The following TMED3 variants were observed in gnomAD, a reference collection of about 807,000 sequenced individuals.
The protein encoded by TMED3 is transmembrane p24 trafficking protein 3.
Under a neutral mutation model 15.0 loss-of-function variants are expected in TMED3, and 9 were observed. The ratio of observed to expected loss-of-function variants is 0.60; its 90% CI spans 0.36 to 1.04. The LOEUF (loss-of-function observed/expected upper bound fraction) is 1.04. Ranked by LOEUF, TMED3 falls within the 50% of genes least tolerant of loss-of-function variation. The pLI, the probability that TMED3 is intolerant of heterozygous loss-of-function variation, is 0.01. For synonymous variants in TMED3, 117 were observed against 121.4 expected (o/e 0.96, Z 0.24); for missense variants, 267 against 278.9 (o/e 0.96, Z 0.30).
chr15:79,385,574 C>G (rs1353697203), intron 2 of TMED3, among the ~76,000 whole-genome samples: 2 of 152,126 alleles, frequency 1.3e-5, no homozygotes, highest in African/African-American at 4.8e-5. Context: ...CTGGCTCCTG[C>G]CTGCTCCCTG....
chr15:79,368,082 C>T (rs6495402), intron 2 of TMED3, among the ~76,000 whole-genome samples: 17,201 of 152,078 alleles, frequency 0.11, 1,038 homozygotes, highest in Admixed American at 0.14. Flanking sequence ...AACTCAGGGA[C>T]GTATGTTAGG....
intron 2 of TMED3, among the ~76,000 whole-genome samples, chr15:79,365,013 A>G (rs1893203601): frequency 6.6e-6 from 1 of 152,232 alleles, no homozygotes; most frequent in South Asian, 2.1e-4. Flanking sequence ...CTAAAAGGGC[A>G]CACTGTAATG....
chr15:79,391,600 T>A (rs1210553187), intron 2 of TMED3, among the ~76,000 whole-genome samples: 1 of 152,210 alleles, frequency 6.6e-6, no homozygotes, highest in Non-Finnish European at 1.5e-5. Context: ...TGTTCAAGGG[T>A]ATAATTTAAA....
At chr15:79,336,895 C>T (rs552875081) in intron 2 of TMED3, among the ~76,000 whole-genome samples, 1 of 152,326 alleles carries the variant, frequency 6.6e-6, no homozygotes, top group African/African-American at 2.4e-5. Context: ...CATGTCACAA[C>T]TTCCAAGTGT....
In TMED3 at chr15:79,322,457, G is replaced by T; in HGVS notation, c.*243G>T. 7.5e-7 allele frequency: 1 copy of T among 1,339,496 alleles called. No homozygotes were observed. Among genetic ancestry groups the T allele is most frequent in the East Asian group, 3.0e-5 (1 of 33,642 alleles). 83.0% of individuals were successfully genotyped at this position (1,339,496 alleles called of 1,614,324 possible). Reference sequence around the variant, plus strand: ...GCGCTGAAAAGACATTTACAACTAGGCCAGGGATTAGCCACTGTGGGAGGG... The same window carrying T: ...GCGCTGAAAAGACATTTACAACTAGTCCAGGGATTAGCCACTGTGGGAGGG... On this transcript the variant is annotated 3_prime_UTR_variant, in exon 3 of 3. Coordinates refer to ENST00000299705, the MANE Select transcript of TMED3 (RefSeq NM_007364.4).
intron 2 of TMED3, among the ~76,000 whole-genome samples, chr15:79,398,140 C>T (rs1012599634): frequency 5.3e-5 from 8 of 152,132 alleles, no homozygotes; most frequent in African/African-American, 1.9e-4. Context: ...TCTACCTATT[C>T]ATCCCTCCTC....
chr15:79,339,885 G>A (rs2058844784), intron 2 of TMED3, among the ~76,000 whole-genome samples: 1 of 122,708 alleles, frequency 8.1e-6, no homozygotes, highest in Non-Finnish European at 1.8e-5. Flanking sequence ...AGTGGTGATG[G>A]TGGTGATGGT....
At chr15:79,378,029 A>C (rs1187323683) in intron 2 of TMED3, among the ~76,000 whole-genome samples, 1 of 152,210 alleles carries the variant, frequency 6.6e-6, no homozygotes, top group African/African-American at 2.4e-5. Context: ...CTTCCAATAC[A>C]TAATTTTAGC....
At chr15:79,338,992 C>T (rs965882678) in intron 2 of TMED3, among the ~76,000 whole-genome samples, 9 of 152,174 alleles carry the variant, frequency 5.9e-5, no homozygotes, top group South Asian at 2.1e-4. Flanking sequence ...CAGGCTCACC[C>T]GCAGTTATCC....
At chr15:79,361,111 C>T (rs765738791) in intron 2 of TMED3, among the ~76,000 whole-genome samples, 2 of 152,214 alleles carry the variant, frequency 1.3e-5, no homozygotes, top group Non-Finnish European at 2.9e-5. Flanking sequence ...CATCCTCACA[C>T]CTTGGCCTCC....
At chr15:79,319,031 T>C (rs917521536) in intron 2 of TMED3, among the ~76,000 whole-genome samples, 10 of 152,334 alleles carry the variant, frequency 6.6e-5, no homozygotes, top group African/African-American at 2.2e-4. Flanking sequence ...AAAGATGATA[T>C]GTAGCCCAAA....
intron 2 of TMED3, among the ~76,000 whole-genome samples, chr15:79,321,443 C>T (rs1332248400): frequency 6.6e-6 from 1 of 152,160 alleles, no homozygotes; most frequent in African/African-American, 2.4e-5. Context: ...ATACATGAAG[C>T]GTGTGTCTTC....
chr15:79,352,695 A>AAT (rs956979805), intron 2 of TMED3, among the ~76,000 whole-genome samples: 14 of 143,702 alleles, frequency 9.7e-5, no homozygotes, highest in East Asian at 6.0e-4. Context: ...TATGTAACTG[A>AAT]ATATATATAT....
At chr15:79,364,641 CA>C (rs1304951271) in intron 2 of TMED3, among the ~76,000 whole-genome samples, 1 of 151,822 alleles carries the variant, frequency 6.6e-6, no homozygotes, top group Non-Finnish European at 1.5e-5. Flanking sequence ...GGAGATGAAA[CA>C]CGCAGATGAA....
At chr15:79,411,781 TG>T in exon 3 of TMED3, 1 of 381,876 alleles carries the variant, frequency 2.6e-6, no homozygotes. Context: ...CACTTCAGCC[TG>T]GGTGGAGCCC....
In TMED3 at chr15:79,322,558, C is replaced by T. The variant is rs2141218665; in HGVS notation, c.*344C>T. The T allele has an allele frequency of 9.1e-7, 1 of 1,101,970 alleles. No homozygotes were observed. The highest frequency in any genetic ancestry group is 3.4e-5 in the South Asian group (1 of 29,698). The allele number at this position is 1,101,970 out of a possible 1,614,324, so 68.3% of individuals were successfully genotyped here. On this transcript the variant is annotated 3_prime_UTR_variant, in exon 3 of 3. Transcript: ENST00000299705. ...CCAGGCCTCTTGGGCAGCTTAGGGC[C>T]CTGCCTCTGTTTCATGATGCATGGG...
intron 2 of TMED3, among the ~76,000 whole-genome samples, chr15:79,381,788 G>A (rs541216183): frequency 2.0e-5 from 3 of 152,306 alleles, no homozygotes; most frequent in Admixed American, 2.0e-4. Context: ...TGATTGCAAA[G>A]TCAACTCAGA....
Position 79,407,541 on chromosome 15 carries a change from G to A in TMED3, c.418-3859G>A, listed in dbSNP as rs569091622. Among the ~76,000 whole-genome samples, 4 of 152,270 alleles carry A rather than the reference G, an allele frequency of 2.6e-5. No homozygotes were observed. The South Asian group carries it at 6.2e-4, about 24-fold the overall frequency. On this transcript the variant is annotated intron_variant, in intron 2 of 2. Transcript: ENST00000424155. Reference sequence around the variant, plus strand: ...ATGAGGGAAGACGGGGGCAGATCTTGGAGAGGACAAGAATCATCCTGCAAA... The same window carrying A: ...ATGAGGGAAGACGGGGGCAGATCTTAGAGAGGACAAGAATCATCCTGCAAA...
intron 2 of TMED3, among the ~76,000 whole-genome samples, chr15:79,373,720 C>T (rs1016965249): frequency 6.6e-6 from 1 of 152,156 alleles, no homozygotes; most frequent in Non-Finnish European, 1.5e-5. Flanking sequence ...ACATGCACGC[C>T]AGGTAGTTGG....
Sources: allele counts gnomAD v4.1 joint callset (sites outside exome capture counted in the v4.1 genomes callset), GRCh38; gene constraint gnomAD v4.1.1; transcripts MANE v1.5; gene names NCBI Gene and HGNC (gene_info 2026-07-23, HGNC 2026-07-21).